TEX101: variants seen among roughly 807,000 people sequenced by gnomAD.
TEX101 encodes testis-expressed protein 101.
In TEX101, 10 loss-of-function variants were observed where a neutral mutation model predicts 18.1. The ratio of observed to expected loss-of-function variants is 0.55; its 90% CI spans 0.34 to 0.94. The LOEUF is 0.94. Among genes scored for constraint, TEX101 ranks in the 40% least tolerant of loss-of-function variants. The probability of loss-of-function intolerance (pLI) is 0.02; values close to 1 mark genes in which losing one functional copy is unlikely to be tolerated. For missense variants in TEX101, 259 were observed against 298.9 expected, an observed-to-expected ratio of 0.87 and a Z score of 0.98; for synonymous variants, 94 against 114.8, an observed-to-expected ratio of 0.82 and a Z score of 1.16.
rs1185681478 is a variant in TEX101, at chr19:43,417,781, G to T, written c.392-97G>T. On this transcript the variant is annotated intron_variant, in intron 4 of 5. Transcript: ENST00000598265. Reference sequence around the variant, plus strand: ...TGAAGTAATGGGCCTTGATTAGAGTGGCATCTGCAGGAAAATCTTGGGGAA... The same window carrying T: ...TGAAGTAATGGGCCTTGATTAGAGTTGCATCTGCAGGAAAATCTTGGGGAA... 3.3e-6 allele frequency: 5 copies of T among 1,495,986 alleles called. No homozygotes were observed. The East Asian group carries it at 1.1e-4, about 34-fold the overall frequency. The allele number at this position is 1,495,986 out of a possible 1,614,324, so 92.7% of individuals were successfully genotyped here.
At chr19:43,416,044 G>A (rs1049664746) in intron 2 of TEX101, 55 bp from the exon 3 acceptor site, 1 of 1,611,136 alleles carries the variant, frequency 6.2e-7, no homozygotes, top group African/African-American at 1.3e-5. Flanking sequence ...ATGATGAAAA[G>A]GGAGCCGCCT....
intron 4 of TEX101, among the ~76,000 whole-genome samples, chr19:43,417,415 A>T (rs1970492188): frequency 6.6e-6 from 1 of 152,084 alleles, no homozygotes; most frequent in African/African-American, 2.4e-5. Flanking sequence ...GGCTCACACC[A>T]CCTGACCTTT....
the TEX101 span, among the ~76,000 whole-genome samples, chr19:43,389,071 A>C: frequency 1.3e-5 from 2 of 152,100 alleles, no homozygotes; most frequent in African/African-American, 4.8e-5. Flanking sequence ...TCTAGGCAGA[A>C]ACCGGCTTCT....
At chr19:43,414,827 C>T (rs963093999), upstream of TEX101, 2 of 985,046 alleles carry the variant, frequency 2.0e-6, no homozygotes, top group Non-Finnish European at 2.4e-6. Flanking sequence ...TTATCCGATG[C>T]TTTTGCATCC....
intron 2 of TEX101, chr19:43,406,195 G>T: frequency 5.2e-6 from 2 of 383,162 alleles, no homozygotes; most frequent in Non-Finnish European, 9.3e-6. Context: ...GCTGCTGTGG[G>T]TATTGACGAC....
chr19:43,415,278 C>T (rs1376980293), intron 1 of TEX101, among the ~76,000 whole-genome samples: 3 of 151,934 alleles, frequency 2.0e-5, no homozygotes, highest in East Asian at 1.9e-4. Context: ...ATGTAAGGGA[C>T]CCCTGAGACT....
rs1369889280 is a variant in TEX101 at position 43,416,197 on chromosome 19, G to A, written c.163G>A (p.Asp55Asn). Residue 55 changes from aspartate (D) to asparagine (N), a missense_variant, in exon 3 of 6, where the codon GAC becomes AAC. Physicochemically the swap from Asp to Asn is conservative, Grantham distance 23. Coordinates refer to ENST00000598265, the MANE Select transcript of TEX101 (RefSeq NM_001130011.3). ...GACCACAGAGGAAGTGGAGACTTGT[G>A]ACAAAGGGGCACTTTGCCAGGAAAC... ...NWTTEEVETC[D>N]KGALCQETIL... is the part of the protein sequence containing the mutation. The A allele has an allele frequency of 6.2e-7, 1 of 1,612,596 alleles. No homozygotes were observed.
intron 3 of TEX101, among the ~76,000 whole-genome samples, chr19:43,407,426 A>T (rs1970376725): frequency 6.6e-6 from 1 of 151,896 alleles, no homozygotes; most frequent in Non-Finnish European, 1.5e-5. Context: ...CAGAGGTTGC[A>T]GTGAGCTGAG....
chr19:43,408,308 A>G (rs1281109777), intron 3 of TEX101, among the ~76,000 whole-genome samples: 6 of 135,260 alleles, frequency 4.4e-5, no homozygotes, highest in Non-Finnish European at 9.5e-5. Flanking sequence ...ACCAGGGGCT[A>G]GATCGGGGTT....
chr19:43,400,413 T>C (rs1040823992), upstream of TEX101, among the ~76,000 whole-genome samples: 16 of 152,366 alleles, frequency 1.1e-4, no homozygotes, highest in African/African-American at 2.9e-4. Flanking sequence ...TGAAAGATTC[T>C]TGGGTTTTCG....
chr19:43,400,241 C>T (rs967419578), upstream of TEX101, among the ~76,000 whole-genome samples: 1 of 152,108 alleles, frequency 6.6e-6, no homozygotes, highest in Non-Finnish European at 1.5e-5. Context: ...TCCAAGGAGT[C>T]TTGGAGAAGA....
rs1970508153 is a variant in TEX101 at position 43,418,493 on chromosome 19, G to C, written c.*96G>C. The C allele has an allele frequency of 1.0e-6, 1 of 987,600 alleles. No individual in the cohort carries two copies. The highest frequency in any genetic ancestry group is 1.5e-6 in the Non-Finnish European group (1 of 655,782). The allele number at this position is 987,600 out of a possible 1,614,324, so 61.2% of individuals were successfully genotyped here. ...CAAGCTGAGGAGTAGATGGGAATTTGAGGGAGAATACAGAGATACTATGAA... is the reference window on the plus strand; with the variant it reads ...CAAGCTGAGGAGTAGATGGGAATTTCAGGGAGAATACAGAGATACTATGAA... On this transcript the variant is annotated 3_prime_UTR_variant, in exon 6 of 6. Coordinates refer to ENST00000598265, the MANE Select transcript of TEX101 (RefSeq NM_001130011.3).
At chr19:43,393,528 G>A in the TEX101 span, among the ~76,000 whole-genome samples, 1 of 152,008 alleles carries the variant, frequency 6.6e-6, no homozygotes, top group African/African-American at 2.4e-5. Flanking sequence ...TTTCATAAAG[G>A]ACCCCATGAA....
upstream of TEX101, among the ~76,000 whole-genome samples, chr19:43,397,052 G>A (rs139965784): frequency 3.9e-3 from 581 of 149,454 alleles, 4 homozygotes; most frequent in African/African-American, 0.014. Context: ...TAGCCAGGAT[G>A]GTCTCAGTCT....
Position 43,417,986 on chromosome 19 carries a change from G to T in TEX101, c.500G>T (p.Gly167Val), listed in dbSNP as rs761853611. 1.2e-6 allele frequency: 2 copies of T among 1,614,150 alleles called. No homozygotes were observed. Among genetic ancestry groups the T allele is most frequent in the Non-Finnish European group, 8.5e-7 (1 of 1,180,024 alleles). ...CPNGTTRCYQ[G>V]KLEITGGGIE... The stretch of plus-strand genomic sequence containing the variant: ...AATGGTACAACTCGATGCTATCAAG[G>T]AAAACTTGAGATCACTGGAGGTAAA... Residue 167 changes from glycine to valine, a missense_variant, in exon 5 of 6, where the codon GGA (glycine) becomes GTA (valine). Physicochemically the swap from Gly to Val is moderately radical, Grantham distance 109. Coordinates refer to ENST00000598265, the MANE Select transcript of TEX101 (RefSeq NM_001130011.3).
upstream of TEX101, among the ~76,000 whole-genome samples, chr19:43,400,513 A>C (rs1970309881): frequency 1.3e-5 from 2 of 152,192 alleles, no homozygotes; most frequent in South Asian, 4.1e-4. Context: ...ATAGTCATGC[A>C]GCTGTTTGCA....
the TEX101 span, among the ~76,000 whole-genome samples, chr19:43,396,464 C>A: frequency 2.0e-5 from 3 of 152,160 alleles, no homozygotes; most frequent in Non-Finnish European, 2.9e-5. Flanking sequence ...ATTTCCAATT[C>A]TTTTACTCTA....
chr19:43,416,679 C>A (rs1970483276), intron 4 of TEX101, 124 bp downstream of exon 4: 2 of 912,464 alleles, frequency 2.2e-6, no homozygotes, highest in Admixed American at 2.4e-5. Context: ...CCTCACAGTT[C>A]AAGTAATTTT....
intron 3 of TEX101, among the ~76,000 whole-genome samples, chr19:43,407,966 C>T (rs770259443): frequency 6.6e-6 from 1 of 151,676 alleles, no homozygotes; most frequent in African/African-American, 2.4e-5. Flanking sequence ...AGCAGAGTGG[C>T]TCCCTGGATG....
Sources: gnomAD v4.1 joint callset for allele counts (sites outside exome capture counted in the v4.1 genomes callset) on GRCh38, gnomAD v4.1.1 for gene constraint, MANE v1.5 for transcripts, NCBI Gene and HGNC (gene_info 2026-07-23, HGNC 2026-07-21) for gene names.